Variants in HMGCLL1 observed in about 807,000 individuals in gnomAD.
HMGCLL1 encodes 3-hydroxy-3-methylglutaryl-CoA lyase like 1.
Under a neutral mutation model 39.1 loss-of-function variants are expected in HMGCLL1, and 36 were observed. The ratio of observed to expected loss-of-function variants is 0.92; its 90% CI spans 0.71 to 1.22. The LOEUF is 1.22. HMGCLL1 is among the 50% of genes most tolerant of loss of function. The pLI is 0.00. For missense variants in HMGCLL1, 451 were observed against 416.5 expected, an observed-to-expected ratio of 1.08 and a Z score of -0.72; for synonymous variants, 149 against 144.0, an observed-to-expected ratio of 1.03 and a Z score of -0.25.
intron 5 of HMGCLL1, among the ~76,000 whole-genome samples, chr6:55,502,989 G>C (rs935513990): frequency 3.0e-3 from 2 of 658 alleles, no homozygotes; most frequent in African/African-American, 6.4e-3. Flanking sequence ...AGTTTTTTTC[G>C]TTGTCTCCTG....
At chr6:55,654,936 A>G in the HMGCLL1 span, among the ~76,000 whole-genome samples, 5 of 152,070 alleles carry the variant, frequency 3.3e-5, no homozygotes, top group African/African-American at 1.2e-4. Flanking sequence ...AAAAATCCCA[A>G]TGAATTCCAT....
chr6:55,659,393 C>T, the HMGCLL1 span, among the ~76,000 whole-genome samples: 27 of 152,042 alleles, frequency 1.8e-4, no homozygotes, highest in African/African-American at 6.3e-4. Context: ...AAATTTATTT[C>T]CCACTTCTCG....
At chr6:55,482,351 C>A (rs1765792894) in intron 7 of HMGCLL1, among the ~76,000 whole-genome samples, 1 of 151,986 alleles carries the variant, frequency 6.6e-6, no homozygotes, top group African/African-American at 2.4e-5. Flanking sequence ...TACATCTTAG[C>A]AAATAAAAAT....
At chr6:55,676,903 T>C in the HMGCLL1 span, among the ~76,000 whole-genome samples, 1 of 152,236 alleles carries the variant, frequency 6.6e-6, no homozygotes, top group Admixed American at 6.5e-5. Context: ...ATACTTTACT[T>C]GCTTTTGCAT....
At chr6:55,439,285 T>C (rs992413123) in intron 8 of HMGCLL1, 149 bp downstream of exon 8, 2 of 694,158 alleles carry the variant, frequency 2.9e-6, no homozygotes, top group Non-Finnish European at 4.6e-6. Flanking sequence ...CCCAAAAGAA[T>C]TTTTATTGCA....
At chr6:55,619,386 A>T in the HMGCLL1 span, among the ~76,000 whole-genome samples, 1 of 152,152 alleles carries the variant, frequency 6.6e-6, no homozygotes, top group Non-Finnish European at 1.5e-5. Context: ...AGAGTTAATA[A>T]GACTACTGAT....
chr6:55,536,484 T>C (rs1273072836), intron 3 of HMGCLL1, among the ~76,000 whole-genome samples: 1 of 152,196 alleles, frequency 6.6e-6, no homozygotes, highest in Admixed American at 6.5e-5. Flanking sequence ...TTTTAAAAGA[T>C]TATTGTATTT....
chr6:55,495,278 C>A, intron 7 of HMGCLL1, 141 bp downstream of exon 7: 2 of 597,194 alleles, frequency 3.3e-6, no homozygotes, highest in Non-Finnish European at 2.8e-6. Flanking sequence ...TTCCCAAGTG[C>A]CTGTCATGTA....
the HMGCLL1 span, among the ~76,000 whole-genome samples, chr6:55,672,074 A>C: frequency 6.6e-6 from 1 of 151,770 alleles, no homozygotes; most frequent in Non-Finnish European, 1.5e-5. Context: ...GGACAGAGGA[A>C]GATTTTCAGT....
chr6:55,567,493 T>C (rs530054032), intron 1 of HMGCLL1, among the ~76,000 whole-genome samples: 1 of 152,288 alleles, frequency 6.6e-6, no homozygotes, highest in Non-Finnish European at 1.5e-5. Context: ...GCCTTCTCTC[T>C]ATCCAAATCC....
chr6:55,677,203 CT>C, the HMGCLL1 span, among the ~76,000 whole-genome samples: 1 of 152,136 alleles, frequency 6.6e-6, no homozygotes, highest in East Asian at 1.9e-4. Context: ...TTGAGACCAG[CT>C]TGGGCAATAT....
the HMGCLL1 span, among the ~76,000 whole-genome samples, chr6:55,617,941 A>C: frequency 6.6e-6 from 1 of 152,110 alleles, no homozygotes; most frequent in Non-Finnish European, 1.5e-5. Context: ...GGAACATTAC[A>C]CAGCAATAAA....
intron 3 of HMGCLL1, among the ~76,000 whole-genome samples, chr6:55,540,400 G>A (rs1769356112): frequency 6.6e-6 from 1 of 152,096 alleles, no homozygotes; most frequent in African/African-American, 2.4e-5. Flanking sequence ...TAGGTGATGG[G>A]GGTGGAGCTC....
intron 1 of HMGCLL1, chr6:55,566,576 G>A (rs1189639935): frequency 2.2e-6 from 1 of 455,390 alleles, no homozygotes; most frequent in African/African-American, 2.0e-5. Context: ...CAACAGAGAA[G>A]CTGCTTAACC....
At chr6:55,660,508 G>A in the HMGCLL1 span, among the ~76,000 whole-genome samples, 3 of 151,844 alleles carry the variant, frequency 2.0e-5, no homozygotes, top group East Asian at 3.9e-4. Context: ...AAGAATGATG[G>A]CCTCCAGCTC....
the HMGCLL1 span, among the ~76,000 whole-genome samples, chr6:55,586,550 C>T: frequency 6.6e-6 from 1 of 151,536 alleles, no homozygotes; most frequent in Non-Finnish European, 1.5e-5. Context: ...CCTCCTCCCC[C>T]CACCCTACAA....
the HMGCLL1 span, among the ~76,000 whole-genome samples, chr6:55,610,251 T>C: frequency 1.3e-5 from 2 of 152,068 alleles, no homozygotes; most frequent in African/African-American, 4.8e-5. Context: ...TAAAGGAGCA[T>C]GTCCTAACCC....
At chr6:55,601,349 A>G in the HMGCLL1 span, among the ~76,000 whole-genome samples, 1 of 152,174 alleles carries the variant, frequency 6.6e-6, no homozygotes, top group Non-Finnish European at 1.5e-5. Context: ...GACTGCAGGT[A>G]TGCAGGTGAC....
chr6:55,505,315 A>C (rs1168869242), intron 5 of HMGCLL1, among the ~76,000 whole-genome samples: 1 of 151,670 alleles, frequency 6.6e-6, no homozygotes, highest in Non-Finnish European at 1.5e-5. Flanking sequence ...AGTGGAGTCA[A>C]CTATTGCTTA....
Sources: allele counts gnomAD v4.1 joint callset (sites outside exome capture counted in the v4.1 genomes callset), GRCh38; gene constraint gnomAD v4.1.1; transcripts MANE v1.5; gene names NCBI Gene and HGNC (gene_info 2026-07-23, HGNC 2026-07-21).